Variants in COL22A1 observed in about 807,000 individuals in gnomAD.
COL22A1 encodes collagen alpha-1(XXII) chain.
A neutral mutation model predicts 248.9 loss-of-function variants in COL22A1; 221 were observed. The ratio of observed to expected loss-of-function variants is 0.89; its 90% CI spans 0.80 to 0.99. The LOEUF (loss-of-function observed/expected upper bound fraction) is 0.99, where lower values mean the gene tolerates loss of function less well. Among genes scored for constraint, COL22A1 ranks in the 50% least tolerant of loss-of-function variants. COL22A1 has a pLI of 0.00. For synonymous variants in COL22A1, 891 were observed against 793.4 expected (o/e 1.12, Z -2.07); for missense variants, 2,240 against 2,179.0 (o/e 1.03, Z -0.56).
At chr8:138,810,756 G>A (rs1818141321) in intron 9 of COL22A1, among the ~76,000 whole-genome samples, 1 of 152,184 alleles carries the variant, frequency 6.6e-6, no homozygotes, top group Non-Finnish European at 1.5e-5. Flanking sequence ...GAGGAGAGAG[G>A]GGAAGGAAGC....
chr8:138,787,816 G>A lies in COL22A1; in HGVS notation c.1597-6836C>T, dbSNP rs78683655. On this transcript the variant is annotated intron_variant, in intron 12 of 64. Coordinates refer to ENST00000303045, the MANE Select transcript of COL22A1 (RefSeq NM_152888.3). ...CTCACTTCCTCCATGATCTCATTTG[G>A]AGGCATATGGGGAGGGGGGCAACCA... is the stretch of plus-strand genomic sequence containing the variant. Among the ~76,000 whole-genome samples, 1,083 of 152,188 alleles carry A rather than the reference G, an allele frequency of 7.1e-3. 16 individuals carry two copies. Among genetic ancestry groups the A allele is most frequent in the African/African-American group, 0.025 (1,036 of 41,502 alleles).
chr8:138,871,434 G>C (rs1459890073), intron 3 of COL22A1, among the ~76,000 whole-genome samples: 1 of 152,166 alleles, frequency 6.6e-6, no homozygotes, highest in Non-Finnish European at 1.5e-5. Context: ...ATCTTGGCTT[G>C]CACAGTTGTT....
intron 30 of COL22A1, among the ~76,000 whole-genome samples, chr8:138,712,994 G>T (rs528310624): frequency 6.6e-6 from 1 of 152,304 alleles, no homozygotes; most frequent in South Asian, 2.1e-4. Context: ...TGGTGAAAGG[G>T]TAAGAACTAG....
chr8:138,708,871 T>C (rs1197316746), intron 30 of COL22A1, among the ~76,000 whole-genome samples: 2 of 151,854 alleles, frequency 1.3e-5, no homozygotes, highest in African/African-American at 2.4e-5. Context: ...TGGGAGAAAA[T>C]TTTCACAATC....
At chr8:138,890,981 C>T (rs926149971) in intron 1 of COL22A1, among the ~76,000 whole-genome samples, 1 of 151,952 alleles carries the variant, frequency 6.6e-6, no homozygotes, top group African/African-American at 2.4e-5. Context: ...TGAGATCGTT[C>T]CACCATATTC....
intron 1 of COL22A1, among the ~76,000 whole-genome samples, chr8:138,890,861 G>GT (rs1554658465): frequency 7.1e-6 from 1 of 139,926 alleles, no homozygotes; most frequent in Non-Finnish European, 1.6e-5. Context: ...AAAATACAAA[G>GT]AAAAAAAAAA....
intron 32 of COL22A1, among the ~76,000 whole-genome samples, chr8:138,698,463 C>A (rs561288569): frequency 1.3e-5 from 2 of 152,296 alleles, no homozygotes. Context: ...GCAGCAGTGC[C>A]AGGAAAACGC....
intron 23 of COL22A1, among the ~76,000 whole-genome samples, chr8:138,733,579 GTTTCCC>G (rs1830867872): frequency 6.6e-6 from 1 of 152,154 alleles, no homozygotes; most frequent in African/African-American, 2.4e-5. Context: ...AAACACACAT[GTTTCCC>G]TTTACTTCTC....
At chr8:138,783,173 G>T (rs551705911) in intron 12 of COL22A1, among the ~76,000 whole-genome samples, 2 of 152,224 alleles carry the variant, frequency 1.3e-5, no homozygotes, top group South Asian at 4.2e-4. Flanking sequence ...TCTGACCCTC[G>T]CTTAGAGGAG....
rs1833566433 is a variant in COL22A1, at chr8:138,762,463, C to T, written c.1807G>A (p.Glu603Lys). 1 of 1,614,170 alleles carries T rather than the reference C, an allele frequency of 6.2e-7. No individual in the cohort carries two copies. Residue 603 changes from glutamate to lysine, a missense_variant, in exon 17 of 65, where the codon GAG (glutamate) becomes AAG (lysine). Transcript: ENST00000303045. ...CCAGGGAATCCATCCAGGCCTCGCT[C>T]TCCCTGGCAAAAGAAGGCAAATGGT... ...GEKGTRGEKGERGLDGFPGKP... is the reference protein window; with the variant it reads ...GEKGTRGEKGKRGLDGFPGKP...
At chr8:138,889,135 G>A (rs983998022) in intron 1 of COL22A1, among the ~76,000 whole-genome samples, 11 of 152,318 alleles carry the variant, frequency 7.2e-5, no homozygotes, top group South Asian at 4.1e-4. Flanking sequence ...CTGAGGTGGA[G>A]AGAAGGTATG....
chr8:138,689,398 C>T (rs1427027733), intron 36 of COL22A1, among the ~76,000 whole-genome samples: 2 of 152,164 alleles, frequency 1.3e-5, no homozygotes, highest in Non-Finnish European at 1.5e-5. Context: ...TAAGTGCAAG[C>T]GTCCCATGGA....
intron 8 of COL22A1, 106 bp downstream of exon 8, chr8:138,812,833 T>A (rs928948565): frequency 7.1e-6 from 6 of 847,504 alleles, no homozygotes; most frequent in Non-Finnish European, 8.1e-6. Context: ...TGATGGTGGA[T>A]GTCTCCCTGA....
chr8:138,783,802 A>G (rs1484241034), intron 12 of COL22A1, among the ~76,000 whole-genome samples: 1 of 152,238 alleles, frequency 6.6e-6, no homozygotes, highest in Non-Finnish European at 1.5e-5. Context: ...AAAAAAGTGC[A>G]GAGTTAAACC....
chr8:138,640,132 A>T (rs577876175), intron 47 of COL22A1, among the ~76,000 whole-genome samples: 2 of 152,242 alleles, frequency 1.3e-5, no homozygotes, highest in South Asian at 2.1e-4. Context: ...TCTGTAATGC[A>T]AATCACATTC....
intron 12 of COL22A1, among the ~76,000 whole-genome samples, chr8:138,789,243 C>A (rs972875947): frequency 1.4e-4 from 22 of 152,240 alleles, no homozygotes; most frequent in African/African-American, 4.8e-4. Context: ...ACAGGGCCTG[C>A]AGCACCTCTA....
At chr8:138,763,395 A>G (rs550428712) in intron 16 of COL22A1, among the ~76,000 whole-genome samples, 146 of 151,524 alleles carry the variant, frequency 9.6e-4, no homozygotes, top group Non-Finnish European at 1.9e-3. Context: ...TCCAAAAAAA[A>G]AGAAAAAGAA....
At chr8:138,593,216 G>A (rs536888708) in intron 63 of COL22A1, among the ~76,000 whole-genome samples, 1 of 152,070 alleles carries the variant, frequency 6.6e-6, no homozygotes, top group African/African-American at 2.4e-5. Flanking sequence ...AGGGCCTGTC[G>A]GGGGGTGGGG....
At chr8:138,902,965 T>C (rs2132168422) in intron 1 of COL22A1, among the ~76,000 whole-genome samples, 1 of 152,230 alleles carries the variant, frequency 6.6e-6, no homozygotes, top group East Asian at 1.9e-4. Context: ...GGGTGGTTAC[T>C]TTAGCCCTAA....
Sources: gnomAD v4.1 joint callset for allele counts (sites outside exome capture counted in the v4.1 genomes callset) on GRCh38, gnomAD v4.1.1 for gene constraint, MANE v1.5 for transcripts, NCBI Gene and HGNC (gene_info 2026-07-23, HGNC 2026-07-21) for gene names.